DNASE1L1: variants seen among roughly 807,000 people sequenced by gnomAD.
DNASE1L1 encodes deoxyribonuclease 1 like 1, also known as deoxyribonuclease-1-like 1.
Under a neutral mutation model 18.6 loss-of-function variants are expected in DNASE1L1, and 8 were observed. That is an observed-to-expected ratio of 0.43 (90% confidence interval 0.25 to 0.78). DNASE1L1 has a LOEUF of 0.78. Among genes scored for constraint, DNASE1L1 ranks in the 30% least tolerant of loss-of-function variants. The pLI, the probability that DNASE1L1 is intolerant of heterozygous loss-of-function variation, is 0.23. For missense variants in DNASE1L1, 214 were observed against 258.2 expected, an observed-to-expected ratio of 0.83 and a Z score of 1.17; for synonymous variants, 114 against 114.2, an observed-to-expected ratio of 1.00 and a Z score of 0.01.
rs782217648 is a variant in DNASE1L1, at chrX:154,407,587, CTTTTTTTTT to C, written c.-88+1516_-88+1524del. Among the ~76,000 whole-genome samples the C allele has an allele frequency of 2.3e-3, 172 of 74,752 alleles. 1 individual carries two copies. The highest frequency in any genetic ancestry group is 3.8e-3 in the Non-Finnish European group (155 of 40,583). 64.9% of individuals were successfully genotyped at this position (74,752 alleles called of 115,157 possible). A position where few individuals can be genotyped will look rare whatever the true frequency, so the allele number is the denominator to read the frequency against. ...ACCCACTGCGCCTGGCCTAGTCTAC[CTTTTTTTTT>C]TTTTTTTTTTTTTTTTTTGAGATGG... On this transcript the variant is annotated intron_variant, in intron 1 of 7. Coordinates refer to ENST00000369807, the MANE Select transcript of DNASE1L1 (RefSeq NM_001303620.2).
upstream of DNASE1L1, chrX:154,409,280 C>A: frequency 4.0e-6 from 1 of 250,556 alleles, no homozygotes; most frequent in Non-Finnish European, 7.8e-6. Flanking sequence ...ACGCCCCACC[C>A]TTGCCAACAG....
intron 1 of DNASE1L1, among the ~76,000 whole-genome samples, chrX:154,407,218 ATTTTTTTTTTTTTTTTTTT>A (rs782115573): frequency 2.3e-4 from 6 of 25,750 alleles, no homozygotes; most frequent in African/African-American, 4.8e-4. Context: ...AAGTGCTGGG[ATTTTTTTTTTTTTTTTTTT>A]TTTTTTTTTT....
intron 2 of DNASE1L1, among the ~76,000 whole-genome samples, 161 bp downstream of exon 2, chrX:154,405,270 AGAG>A (rs782574296): frequency 1.8e-4 from 20 of 113,112 alleles, no homozygotes; most frequent in African/African-American, 4.5e-4. Flanking sequence ...CCTGTTTCAC[AGAG>A]GAGGAGACTG....
At position 154,409,152 on chromosome X, in the gene DNASE1L1, A is replaced by C. The variant is rs1557189181; in HGVS notation, c.-128T>G. ...TGTCACCAAGTCTGCCTCATCCTTA[A>C]GTGGATCGCGATACCCCAGAAGAGC... On this transcript the variant is annotated 5_prime_UTR_variant, in exon 1 of 8. Coordinates refer to ENST00000369807, the MANE Select transcript of DNASE1L1 (RefSeq NM_001303620.2). 2.9e-6 allele frequency: 1 copy of C among 340,313 alleles called. No homozygotes were observed. Among genetic ancestry groups the C allele is most frequent in the Non-Finnish European group, 5.9e-6 (1 of 169,376 alleles). 28.0% of individuals were successfully genotyped at this position (340,313 alleles called of 1,213,427 possible).
At chrX:154,412,036 C>T (rs1557190977), upstream of DNASE1L1, 1 of 1,207,681 alleles carries the variant, frequency 8.3e-7, no homozygotes, top group Non-Finnish European at 1.1e-6. Context: ...ACGCCGCGGC[C>T]CCGACCTAGC....
Position 154,402,587 on chromosome X carries a change from G to T in DNASE1L1, c.*120C>A. 2.8e-6 allele frequency: 2 copies of T among 705,921 alleles called. No individual in the cohort carries two copies. The highest frequency in any genetic ancestry group is 2.9e-5 in the South Asian group (1 of 34,013). The allele number at this position is 705,921 out of a possible 1,213,427, so 58.2% of individuals were successfully genotyped here. A position where few individuals can be genotyped will look rare whatever the true frequency, so the allele number is the denominator to read the frequency against. On this transcript the variant is annotated 3_prime_UTR_variant, in exon 8 of 8. Transcript: ENST00000369807. ...AGCCAAATCAAACAAGGCAGGCAGG[G>T]GTGGACTACAGTCACAGGGCAACTA...
chrX:154,410,509 C>T (rs1403752983), upstream of DNASE1L1, among the ~76,000 whole-genome samples: 2 of 108,001 alleles, frequency 1.9e-5, no homozygotes, highest in Admixed American at 9.9e-5. Context: ...GCTGAGATCT[C>T]GTCACTGCAC....
intron 2 of DNASE1L1, 91 bp downstream of exon 2, chrX:154,405,343 T>G: frequency 6.3e-6 from 7 of 1,119,962 alleles, no homozygotes; most frequent in Non-Finnish European, 7.1e-6. Flanking sequence ...TCTTCTCCCC[T>G]CTTCTCTAGA....
intron 4 of DNASE1L1, 119 bp from the exon 5 acceptor site, chrX:154,403,741 C>A: frequency 1.9e-6 from 1 of 539,970 alleles, no homozygotes; most frequent in Non-Finnish European, 3.1e-6. Flanking sequence ...CACAGCCCTC[C>A]CAACCTGTCT....
At chrX:154,407,656 C>T (rs1210967710) in intron 1 of DNASE1L1, among the ~76,000 whole-genome samples, 2 of 79,417 alleles carry the variant, frequency 2.5e-5, no homozygotes, top group South Asian at 9.1e-4. Context: ...AGTGCAGTGG[C>T]GTGATCTTGG....
At chrX:154,412,033 G>A, upstream of DNASE1L1, 3 of 1,207,373 alleles carry the variant, frequency 2.5e-6, no homozygotes, top group East Asian at 3.0e-5. Flanking sequence ...GGGACGCCGC[G>A]GCCCCGACCT....
At chrX:154,409,427 A>C (rs1013393990), upstream of DNASE1L1, 6 of 145,014 alleles carry the variant, frequency 4.1e-5, no homozygotes, top group Admixed American at 4.7e-4. Context: ...CCTGTGAGTC[A>C]CTCAAGCCTG....
Position 154,403,737 on chromosome X carries a change from C to T in DNASE1L1, c.312-115G>A, listed in dbSNP as rs1467808057. ...CTAACAGCGGCAATGTGGGCACAGC[C>T]CTCCCAACCTGTCTCTAGAACTTTC... is the stretch of plus-strand genomic sequence containing the variant. On this transcript the variant is annotated intron_variant, in intron 4 of 7. Transcript: ENST00000369807. 6 of 549,744 alleles carry T rather than the reference C, an allele frequency of 1.1e-5. No homozygotes were observed. In the African/African-American group the frequency reaches 1.2e-4, roughly 11 times the overall value. 45.3% of individuals were successfully genotyped at this position (549,744 alleles called of 1,213,427 possible).
At chrX:154,410,812 G>T (rs2068263800), upstream of DNASE1L1, among the ~76,000 whole-genome samples, 1 of 111,192 alleles carries the variant, frequency 9.0e-6, no homozygotes, top group Admixed American at 9.5e-5. Context: ...CCGGGAGGCG[G>T]AGGTTGCAGT....
In DNASE1L1 at chrX:154,403,143, G is replaced by A. The variant is rs2068078190; in HGVS notation, c.573C>T (p.Thr191=). The A allele has an allele frequency of 8.3e-7, 1 of 1,209,992 alleles. No individual in the cohort carries two copies. Among genetic ancestry groups the A allele is most frequent in the African/African-American group, 1.7e-5 (1 of 57,192 alleles). Residue 191 remains threonine (T), a synonymous_variant, in exon 7 of 8, where the codon ACC becomes ACT. Coordinates refer to ENST00000369807, the MANE Select transcript of DNASE1L1 (RefSeq NM_001303620.2). ...GCTCCAGCTTGTCCAGGCGCTTTTT[G>A]GTCAGTGAAGCGCAGTCAGCATTGA... ...GDFNADCASL[T]KKRLDKLELR...
At chrX:154,408,931 G>A (rs2068210827) in intron 1 of DNASE1L1, 181 bp downstream of exon 1, 1 of 218,360 alleles carries the variant, frequency 4.6e-6, no homozygotes, top group African/African-American at 2.9e-5. Context: ...CTGGCGTCAG[G>A]GACCCCCATG....
rs1251645902 is a variant in DNASE1L1, at chrX:154,407,758, G to C, written c.-88+1354C>G. On this transcript the variant is annotated intron_variant, in intron 1 of 7. Coordinates refer to ENST00000369807, the MANE Select transcript of DNASE1L1 (RefSeq NM_001303620.2). ...CTACAGGCGTGAGCCACCGCGCCCGGCCCCCCCCCTTTTTTTTTTTTTTTT... is the reference window on the plus strand; with the variant it reads ...CTACAGGCGTGAGCCACCGCGCCCGCCCCCCCCCCTTTTTTTTTTTTTTTT... Among the ~76,000 whole-genome samples the C allele has an allele frequency of 4.8e-4, 43 of 89,354 alleles. 1 individual carries two copies. The highest frequency in any genetic ancestry group is 1.4e-3 in the African/African-American group (30 of 22,215). The allele number at this position is 89,354 out of a possible 115,157, so 77.6% of individuals were successfully genotyped here.
Position 154,405,507 on chromosome X carries a change from A to G in DNASE1L1, c.62T>C (p.Ile21Thr), listed in dbSNP as rs2068132711. ...CAGCCGCTGGGCATTGAAGGCGCAG[A>G]TGCGAAAGGCCTGGGCCCCATTGGC... Reference protein sequence around the residue: ...ILANGAQAFRICAFNAQRLTL... With the variant: ...ILANGAQAFRTCAFNAQRLTL... The change falls in exon 2 of 8, where the codon ATC (isoleucine) becomes ACC (threonine). Residue 21 changes from isoleucine (I) to threonine (T), a missense_variant. Transcript: ENST00000369807. 8.3e-7 allele frequency: 1 copy of G among 1,202,995 alleles called. No homozygotes were observed. Among genetic ancestry groups the G allele is most frequent in the Admixed American group, 2.2e-5 (1 of 45,555 alleles).
intron 1 of DNASE1L1, 75 bp from the exon 2 acceptor site, chrX:154,405,730 C>A (rs1444490170): frequency 4.9e-6 from 2 of 406,967 alleles, no homozygotes; most frequent in East Asian, 9.2e-5. Flanking sequence ...CGAGATCATA[C>A]CACTGCACTC....
Sources: gnomAD v4.1 joint callset for allele counts (sites outside exome capture counted in the v4.1 genomes callset) on GRCh38, gnomAD v4.1.1 for gene constraint, MANE v1.5 for transcripts, NCBI Gene and HGNC (gene_info 2026-07-23, HGNC 2026-07-21) for gene names.